KLHL29: variants seen among roughly 807,000 people sequenced by gnomAD.
The protein encoded by KLHL29 is kelch-like protein 29.
A neutral mutation model predicts 80.4 loss-of-function variants in KLHL29; 21 were observed. The ratio of observed to expected loss-of-function variants is 0.26; its 90% CI spans 0.19 to 0.38. The LOEUF is 0.38. Among genes scored for constraint, KLHL29 ranks in the 10% least tolerant of loss-of-function variants. The pLI is 1.00. For missense variants in KLHL29, 867 were observed against 1,223.9 expected, an observed-to-expected ratio of 0.71 and a Z score of 4.35; for synonymous variants, 511 against 526.8, an observed-to-expected ratio of 0.97 and a Z score of 0.41.
chr2:23,454,305 C>T (rs1013169773), intron 1 of KLHL29, among the ~76,000 whole-genome samples: 1 of 151,944 alleles, frequency 6.6e-6, no homozygotes, highest in Non-Finnish European at 1.5e-5. Context: ...CCTCCTGTCA[C>T]GTCCTGTGTC....
chr2:23,623,245 T>G (rs956074689), intron 3 of KLHL29, among the ~76,000 whole-genome samples: 4 of 152,136 alleles, frequency 2.6e-5, no homozygotes, highest in Admixed American at 2.0e-4. Context: ...ACCCGACTCA[T>G]GGTGCCCAGC....
At chr2:23,597,874 C>T (rs926296743) in intron 3 of KLHL29, among the ~76,000 whole-genome samples, 1 of 152,114 alleles carries the variant, frequency 6.6e-6, no homozygotes. Flanking sequence ...GTGGTCTTTC[C>T]GCAACCCTGC....
rs1671073310 is a variant in KLHL29, at chr2:23,681,128, C to T, written c.941-3271C>T. Among the ~76,000 whole-genome samples the T allele has an allele frequency of 6.6e-6, 1 of 152,252 alleles. No individual in the cohort carries two copies. Among genetic ancestry groups the T allele is most frequent in the African/African-American group, 2.4e-5 (1 of 41,476 alleles). On this transcript the variant is annotated intron_variant, in intron 5 of 13. Coordinates refer to ENST00000486442, the MANE Select transcript of KLHL29 (RefSeq NM_052920.2). This position sits in a 1 kb window ranked among gnomAD's most constrained non-coding sequence, Gnocchi z 4.2. ...CCCACCGACAGGCACAGCCTGAGAGCCTAAGCTCCTGCTTCGCCGGCCGGG... is the reference window on the plus strand; with the variant it reads ...CCCACCGACAGGCACAGCCTGAGAGTCTAAGCTCCTGCTTCGCCGGCCGGG...
At chr2:23,417,205 C>G (rs117647678) in intron 1 of KLHL29, among the ~76,000 whole-genome samples, 2 of 152,114 alleles carry the variant, frequency 1.3e-5, no homozygotes, top group African/African-American at 4.8e-5. Context: ...TGACAGCAAC[C>G]TTTTAACTCA....
At chr2:23,443,890 T>G (rs1216204552) in intron 1 of KLHL29, among the ~76,000 whole-genome samples, 4 of 152,252 alleles carry the variant, frequency 2.6e-5, no homozygotes, top group Non-Finnish European at 5.9e-5. Context: ...GATATGCTGT[T>G]TCCCAAGAAC....
At chr2:23,673,063 T>C (rs1204354371) in intron 5 of KLHL29, among the ~76,000 whole-genome samples, 1 of 152,164 alleles carries the variant, frequency 6.6e-6, no homozygotes, top group African/African-American at 2.4e-5. Flanking sequence ...AGATGATGGG[T>C]TGGTTTGCTT....
chr2:23,538,891 G>A (rs141727380), intron 2 of KLHL29, among the ~76,000 whole-genome samples: 215 of 152,294 alleles, frequency 1.4e-3, no homozygotes, highest in African/African-American at 5.1e-3. Flanking sequence ...ACAAAATCTC[G>A]TTCTTTCTTC....
Position 23,611,051 on chromosome 2 carries a change from C to T in KLHL29, c.286-28088C>T, listed in dbSNP as rs1028288623. Among the ~76,000 whole-genome samples, 47 of 151,890 alleles carry T rather than the reference C, an allele frequency of 3.1e-4. 1 individual carries two copies. Among genetic ancestry groups the T allele is most frequent in the Admixed American group, 2.9e-3 (44 of 15,238 alleles). On this transcript the variant is annotated intron_variant, in intron 3 of 13. Coordinates refer to ENST00000486442, the MANE Select transcript of KLHL29 (RefSeq NM_052920.2). ...TATGTTAGATGGTAATAAGTGCTGG[C>T]GAGTTCCATGTTCAAAATGATCAAT...
At chr2:23,570,419 G>A (rs113056392) in intron 3 of KLHL29, among the ~76,000 whole-genome samples, 147 of 152,294 alleles carry the variant, frequency 9.7e-4, no homozygotes, top group African/African-American at 3.2e-3. Context: ...GTGGCTGTTC[G>A]TTGCAGTCCC....
intron 1 of KLHL29, among the ~76,000 whole-genome samples, chr2:23,446,341 CT>C (rs777499125): frequency 2.6e-5 from 4 of 152,016 alleles, no homozygotes; most frequent in Non-Finnish European, 4.4e-5. Flanking sequence ...TATTTGCCAA[CT>C]TTCTCTTCTC....
chr2:23,635,997 T>A (rs947554738), intron 3 of KLHL29, among the ~76,000 whole-genome samples: 1 of 152,174 alleles, frequency 6.6e-6, no homozygotes, highest in African/African-American at 2.4e-5. Flanking sequence ...GAAATCAGGG[T>A]GGCCTGGGCT....
chr2:23,678,543 A>G (rs1670984747), intron 5 of KLHL29, among the ~76,000 whole-genome samples: 1 of 152,220 alleles, frequency 6.6e-6, no homozygotes, highest in African/African-American at 2.4e-5. Flanking sequence ...CTCTGCCAAT[A>G]TCAGCCAGGC....
chr2:23,444,953 A>G (rs1663630041), intron 1 of KLHL29, among the ~76,000 whole-genome samples: 7 of 152,236 alleles, frequency 4.6e-5, no homozygotes. Context: ...TAGAAAATAT[A>G]AAACATTATA....
At chr2:23,606,736 G>A (rs1668738031) in intron 3 of KLHL29, among the ~76,000 whole-genome samples, 1 of 152,176 alleles carries the variant, frequency 6.6e-6, no homozygotes, top group Non-Finnish European at 1.5e-5. Flanking sequence ...AGCTCAGGGA[G>A]AGCAGAAGGG....
intron 3 of KLHL29, among the ~76,000 whole-genome samples, chr2:23,611,933 C>T (rs1668881503): frequency 1.4e-5 from 2 of 146,348 alleles, no homozygotes; most frequent in Non-Finnish European, 3.0e-5. Context: ...AAAAAAAAAT[C>T]CACCTTAAGT....
intron 3 of KLHL29, among the ~76,000 whole-genome samples, chr2:23,629,581 G>C (rs1482822152): frequency 2.6e-5 from 4 of 152,186 alleles, no homozygotes; most frequent in African/African-American, 9.6e-5. Flanking sequence ...GGGGCTTGGA[G>C]GAAGGGGCTG....
At chr2:23,464,916 C>G (rs1211332914) in intron 1 of KLHL29, among the ~76,000 whole-genome samples, 4 of 152,194 alleles carry the variant, frequency 2.6e-5, no homozygotes, top group Non-Finnish European at 5.9e-5. Context: ...AATCAATGCT[C>G]TCATTCTGAG....
intron 2 of KLHL29, among the ~76,000 whole-genome samples, chr2:23,525,472 G>C (rs1864809): frequency 0.54 from 81,939 of 152,116 alleles, 22,242 homozygotes; most frequent in East Asian, 0.59. Context: ...AGAAATGGTG[G>C]CCGGAGCTTG....
intron 1 of KLHL29, among the ~76,000 whole-genome samples, chr2:23,426,388 G>A (rs1008616197): frequency 1.3e-5 from 2 of 152,086 alleles, no homozygotes; most frequent in African/African-American, 2.4e-5. Context: ...ACTTCCCGGC[G>A]GCCACTGGTC....
Sources: gnomAD v4.1 joint callset for allele counts (sites outside exome capture counted in the v4.1 genomes callset) on GRCh38, gnomAD v4.1.1 for gene constraint, Gnocchi (gnomAD v3.1) non-coding constraint, MANE v1.5 for transcripts, NCBI Gene and HGNC (gene_info 2026-07-23, HGNC 2026-07-21) for gene names.